Variants in TMTC4 observed in about 807,000 individuals in gnomAD.
The protein encoded by TMTC4 is transmembrane O-mannosyltransferase targeting cadherins 4.
TMTC4 carries 65 observed loss-of-function variants against 86.0 expected under a neutral mutation model. That is an observed-to-expected ratio of 0.76 (90% CI 0.62 to 0.93). The LOEUF is 0.93. Ranked by LOEUF, TMTC4 falls within the 40% of genes least tolerant of loss-of-function variation. The pLI is 0.00. For synonymous variants in TMTC4, 379 were observed against 382.5 expected (o/e 0.99, Z 0.11); for missense variants, 866 against 948.1 (o/e 0.91, Z 1.14).
intron 6 of TMTC4, among the ~76,000 whole-genome samples, chr13:100,644,294 G>A (rs577127142): frequency 2.0e-5 from 3 of 151,942 alleles, no homozygotes; most frequent in South Asian, 4.2e-4. Context: ...TAGTAGAGAC[G>A]GGGTTTCACC....
Position 100,625,796 on chromosome 13 carries a change from A to G in TMTC4, c.1683T>C (p.Ala561=), listed in dbSNP as rs142139257. 4.4e-4 allele frequency: 706 copies of G among 1,613,012 alleles called. 5 individuals are homozygous for G. In the African/African-American group the frequency reaches 8.4e-3, roughly 19 times the overall value. The change falls in exon 14 of 19, where the codon GCT becomes GCC. Residue 561 remains alanine (A), a synonymous_variant. Coordinates refer to ENST00000342624, the MANE Select transcript of TMTC4 (RefSeq NM_032813.5). ...AAAACAATGCTTACTGTATTTGAAC[A>G]GCCAAAGACAGCAGCTCCTCAGCTT... ...LQEAEELLSL[A]VQIQPDFAAA...
chr13:100,612,963 T>C (rs1253683972), intron 16 of TMTC4, among the ~76,000 whole-genome samples: 1 of 152,166 alleles, frequency 6.6e-6, no homozygotes, highest in Non-Finnish European at 1.5e-5. Flanking sequence ...ACACCATCAT[T>C]AACATATTTT....
Position 100,668,711 on chromosome 13 carries a change from G to A in TMTC4, c.87C>T (p.His29=). The part of the protein sequence containing the change: ...RMAVLDTDLD[H]ILPSSVLPPF... ...GAGGAAGAACAGAAGATGGAAGAATGTGATCCAAATCAGTGTCCAACACGG... is the reference window on the plus strand; with the variant it reads ...GAGGAAGAACAGAAGATGGAAGAATATGATCCAAATCAGTGTCCAACACGG... The change falls in exon 3 of 19, where the codon CAC becomes CAT. Residue 29 remains histidine (H), a synonymous_variant. Coordinates refer to ENST00000342624, the MANE Select transcript of TMTC4 (RefSeq NM_032813.5). 6.2e-7 allele frequency: 1 copy of A among 1,614,244 alleles called. No homozygotes were observed. Among genetic ancestry groups the A allele is most frequent in the East Asian group, 2.2e-5 (1 of 44,886 alleles).
In TMTC4 at chr13:100,668,649, A is replaced by T; in HGVS notation, c.149T>A (p.Ile50Asn). 6.2e-7 allele frequency: 1 copy of T among 1,614,226 alleles called. No individual in the cohort carries two copies. The highest frequency in any genetic ancestry group is 1.1e-5 in the South Asian group (1 of 91,088). Residue 50 changes from isoleucine to asparagine, a missense_variant, in exon 3 of 19, where the codon ATT (isoleucine) becomes AAT (asparagine). By Grantham distance (149) the Ile-to-Asn change is moderately radical. Coordinates refer to ENST00000342624, the MANE Select transcript of TMTC4 (RefSeq NM_032813.5). ...ATCATAGCTGCGTGCAAAACACACA[A>T]TGGCAACCGATCCCACTACTAACTT... ...WAKLVVGSVA[I>N]VCFARSYDGD...
intron 1 of TMTC4, chr13:100,673,946 G>C (rs1887477058): frequency 1.2e-6 from 1 of 833,888 alleles, no homozygotes; most frequent in Non-Finnish European, 1.4e-6. Flanking sequence ...CCCGGGGAAA[G>C]AGCGAAGTGT....
chr13:100,614,493 T>C, intron 15 of TMTC4, 63 bp from the exon 16 acceptor site: 1 of 1,110,616 alleles, frequency 9.0e-7, no homozygotes, highest in Non-Finnish European at 1.2e-6. Flanking sequence ...TTCCAAGACA[T>C]TATTAAAAAA....
chr13:100,612,610 A>G (rs1248270433), intron 16 of TMTC4, 100 bp from the exon 17 acceptor site: 1 of 764,490 alleles, frequency 1.3e-6, no homozygotes, highest in Non-Finnish European at 2.2e-6. Flanking sequence ...AGCACATGAC[A>G]ATTATGAATA....
Position 100,604,140 on chromosome 13 carries a change from T to C in TMTC4, c.*854A>G, listed in dbSNP as rs1201012456. On this transcript the variant is annotated 3_prime_UTR_variant, in exon 19 of 19. Coordinates refer to ENST00000342624, the MANE Select transcript of TMTC4 (RefSeq NM_032813.5). ...TTTTGCATTTTCTGGATAATGTCTG[T>C]AGTTACATTAAGCAAAATGGAAAAC... The C allele has an allele frequency of 6.5e-6, 1 of 152,674 alleles. No individual in the cohort carries two copies. The highest frequency in any genetic ancestry group is 1.5e-5 in the Non-Finnish European group (1 of 68,040). The allele number at this position is 152,674 out of a possible 1,614,324, so 9.5% of individuals were successfully genotyped here.
At chr13:100,671,884 A>G (rs1887151214) in intron 1 of TMTC4, among the ~76,000 whole-genome samples, 1 of 152,112 alleles carries the variant, frequency 6.6e-6, no homozygotes, top group Non-Finnish European at 1.5e-5. Context: ...CGCAAAAAAA[A>G]AAAAAAAAAA....
intron 2 of TMTC4, among the ~76,000 whole-genome samples, chr13:100,669,523 G>C (rs1270691814): frequency 6.6e-6 from 1 of 152,182 alleles, no homozygotes; most frequent in Non-Finnish European, 1.5e-5. Flanking sequence ...TGGTGAAAGA[G>C]TCAAGATAAA....
Position 100,635,172 on chromosome 13 carries a change from A to G in TMTC4, c.1226T>C (p.Phe409Ser), listed in dbSNP as rs764859156. Residue 409 changes from phenylalanine to serine, a missense_variant, in exon 11 of 19, where the codon TTT (phenylalanine) becomes TCT (serine). Physicochemically the swap from Phe to Ser is radical, Grantham distance 155. Coordinates refer to ENST00000342624, the MANE Select transcript of TMTC4 (RefSeq NM_032813.5). Reference protein sequence around the residue: ...KRRILTLGLGFLVIPFLPASN... With the variant: ...KRRILTLGLGSLVIPFLPASN... ...CGCGGGGAGAAATGGGATAACGAGA[A>G]ATCCCAGGCCCAGAGTAAGGATCCT... The G allele has an allele frequency of 2.5e-6, 4 of 1,610,130 alleles. No individual in the cohort carries two copies. Among genetic ancestry groups the G allele is most frequent in the Non-Finnish European group, 3.4e-6 (4 of 1,178,358 alleles).
At chr13:100,662,921 G>A (rs1283210) in intron 5 of TMTC4, 43 bp downstream of exon 5, 1,228,678 of 1,602,950 alleles carry the variant, frequency 0.77, 474,263 homozygotes, top group East Asian at 0.98. Context: ...GTGTCATATC[G>A]CTTCTCACGT....
rs1566550969 is a variant in TMTC4, at chr13:100,606,296, A to G, written c.2134+62T>C. On this transcript the variant is annotated intron_variant, in intron 18 of 18. Coordinates refer to ENST00000342624, the MANE Select transcript of TMTC4 (RefSeq NM_032813.5). ...CTCTCCCAACATTAATTTTATAGACATGCACCCACTTCATTAAAGTAACAA... is the reference window on the plus strand; with the variant it reads ...CTCTCCCAACATTAATTTTATAGACGTGCACCCACTTCATTAAAGTAACAA... 2.2e-6 allele frequency: 3 copies of G among 1,376,952 alleles called. No homozygotes were observed. The South Asian group carries it at 3.6e-5, about 17-fold the overall frequency. The allele number at this position is 1,376,952 out of a possible 1,614,324, so 85.3% of individuals were successfully genotyped here. A position where few individuals can be genotyped will look rare whatever the true frequency, so the allele number is the denominator to read the frequency against.
rs775202456 is a variant in TMTC4, at chr13:100,637,720, A to G, written c.835-18T>C. The G allele has an allele frequency of 5.0e-5, 80 of 1,611,710 alleles. No homozygotes were observed. Among genetic ancestry groups the G allele is most frequent in the Non-Finnish European group, 6.6e-5 (78 of 1,178,232 alleles). On this transcript the variant is annotated intron_variant, in intron 8 of 18. Coordinates refer to ENST00000342624, the MANE Select transcript of TMTC4 (RefSeq NM_032813.5). The stretch of plus-strand genomic sequence containing the variant: ...CCGAGATTCTGCAAGGACATCGCAA[A>G]GCCCCAGAGGTGGCTGATTTTCACA...
At position 100,642,189 on chromosome 13, in the gene TMTC4, C is replaced by T. The variant is rs146261611; in HGVS notation, c.741+22G>A. The T allele has an allele frequency of 1.9e-4, 299 of 1,612,854 alleles. No homozygotes were observed. The Middle Eastern group carries it at 2.6e-3, about 14-fold the overall frequency. On this transcript the variant is annotated intron_variant, in intron 7 of 18. Coordinates refer to ENST00000342624, the MANE Select transcript of TMTC4 (RefSeq NM_032813.5). ...AAAGGACACACAGAAAAAGCAGGCC[C>T]CAGCCATGTTGCGGCTCTCACCAGC...
chr13:100,637,769 C>T (rs1156320135), intron 8 of TMTC4, 67 bp from the exon 9 acceptor site: 2 of 1,582,858 alleles, frequency 1.3e-6, no homozygotes, highest in African/African-American at 1.3e-5. Context: ...GAGCCAGGTA[C>T]AGATGTGCAG....
chr13:100,617,633 C>A (rs1455589961), intron 15 of TMTC4, among the ~76,000 whole-genome samples: 2 of 152,162 alleles, frequency 1.3e-5, no homozygotes, highest in Admixed American at 1.3e-4. Context: ...TGTTTGAAGA[C>A]CACATGGCTG....
At position 100,668,768 on chromosome 13, in the gene TMTC4, G is replaced by T. The variant is rs377084630; in HGVS notation, c.30C>A (p.Ala10=). MIPNQHNAG[A]GSHQPAVFRM... is the part of the protein sequence containing the mutation. Reference sequence around the variant, plus strand: ...TGAAAACTGCAGGTTGGTGGCTCCCGGCTCCAGCATTATGCTGGTTAGGAA... The same window carrying T: ...TGAAAACTGCAGGTTGGTGGCTCCCTGCTCCAGCATTATGCTGGTTAGGAA... The change falls in exon 3 of 19, where the codon GCC becomes GCA. Residue 10 remains alanine (A), a synonymous_variant. Transcript: ENST00000342624. The T allele has an allele frequency of 5.6e-6, 9 of 1,614,172 alleles. No individual in the cohort carries two copies. Among genetic ancestry groups the T allele is most frequent in the Admixed American group, 1.7e-5 (1 of 60,028 alleles).
chr13:100,627,852 T>C (rs1264322171), intron 12 of TMTC4, among the ~76,000 whole-genome samples: 1 of 151,784 alleles, frequency 6.6e-6, no homozygotes, highest in Non-Finnish European at 1.5e-5. Flanking sequence ...GAAAGAGATG[T>C]GAGTGGGGGA....
Sources: allele counts gnomAD v4.1 joint callset (sites outside exome capture counted in the v4.1 genomes callset), GRCh38; gene constraint gnomAD v4.1.1; transcripts MANE v1.5; gene names NCBI Gene and HGNC (gene_info 2026-07-23, HGNC 2026-07-21).